The following SPATA16 variants were observed in gnomAD, a reference collection of about 807,000 sequenced individuals.
SPATA16 encodes the protein spermatogenesis-associated protein 16.
In SPATA16, 36 loss-of-function variants were observed where a neutral mutation model predicts 63.3. That is an observed-to-expected ratio of 0.57 (90% CI 0.44 to 0.75). The LOEUF (loss-of-function observed/expected upper bound fraction) is 0.75. Among genes scored for constraint, SPATA16 ranks in the 30% least tolerant of loss-of-function variants. The pLI, the probability that SPATA16 is intolerant of heterozygous loss-of-function variation, is 0.00. For missense variants in SPATA16, 646 were observed against 679.3 expected (o/e 0.95, Z 0.54); for synonymous variants, 203 against 216.7 (o/e 0.94, Z 0.56).
chr3:172,913,339 A>C (rs1732411526), intron 10 of SPATA16, among the ~76,000 whole-genome samples: 1 of 152,214 alleles, frequency 6.6e-6, no homozygotes, highest in Admixed American at 6.6e-5. Flanking sequence ...GTGGACTAAA[A>C]CACTGATGAA....
intron 3 of SPATA16, among the ~76,000 whole-genome samples, chr3:173,029,406 GT>G (rs57233262): frequency 0.036 from 4,989 of 139,870 alleles, 253 homozygotes; most frequent in African/African-American, 0.11. Context: ...AGTAATCAGA[GT>G]TTTTTTTTTG....
intron 2 of SPATA16, among the ~76,000 whole-genome samples, chr3:173,106,316 G>C (rs1348884348): frequency 6.6e-6 from 1 of 152,050 alleles, no homozygotes; most frequent in African/African-American, 2.4e-5. Flanking sequence ...TTACCTTGGT[G>C]TTTTCTCTTT....
At chr3:172,890,658 A>C (rs909551455) in intron 10 of SPATA16, among the ~76,000 whole-genome samples, 1 of 152,036 alleles carries the variant, frequency 6.6e-6, no homozygotes, top group African/African-American at 2.4e-5. Context: ...AGGATAATTC[A>C]GATTGTCAAA....
chr3:172,992,656 G>C (rs1229732711), intron 4 of SPATA16, among the ~76,000 whole-genome samples: 2 of 152,120 alleles, frequency 1.3e-5, no homozygotes, highest in African/African-American at 2.4e-5. Flanking sequence ...CTGGGTAGAA[G>C]GGAGTTGATG....
At chr3:172,990,506 A>G (rs1289986660) in intron 4 of SPATA16, among the ~76,000 whole-genome samples, 1 of 152,168 alleles carries the variant, frequency 6.6e-6, no homozygotes, top group Admixed American at 6.5e-5. Flanking sequence ...CTTTGGAAAT[A>G]TTTCTCTGAG....
intron 6 of SPATA16, among the ~76,000 whole-genome samples, chr3:172,942,337 G>A (rs1232435512): frequency 2.0e-5 from 3 of 152,026 alleles, no homozygotes; most frequent in South Asian, 2.1e-4. Context: ...ATTTTAACAC[G>A]AGGGCATAAA....
At chr3:172,953,528 G>A (rs1399648125) in intron 6 of SPATA16, among the ~76,000 whole-genome samples, 1 of 152,164 alleles carries the variant, frequency 6.6e-6, no homozygotes, top group East Asian at 1.9e-4. Flanking sequence ...AAGGGTGGTT[G>A]GAGTACATAC....
chr3:173,032,183 T>C (rs1360534236), intron 3 of SPATA16, among the ~76,000 whole-genome samples: 1 of 152,098 alleles, frequency 6.6e-6, no homozygotes, highest in East Asian at 1.9e-4. Context: ...TCTTTCATGT[T>C]TTATCCCCAA....
At chr3:173,108,807 C>G (rs536217084) in intron 2 of SPATA16, among the ~76,000 whole-genome samples, 1 of 152,252 alleles carries the variant, frequency 6.6e-6, no homozygotes, top group East Asian at 1.9e-4. Context: ...TATTGTGTTA[C>G]AATTGCCTAC....
At chr3:172,966,080 T>C (rs1733913698) in intron 5 of SPATA16, among the ~76,000 whole-genome samples, 1 of 152,190 alleles carries the variant, frequency 6.6e-6, no homozygotes, top group Admixed American at 6.5e-5. Flanking sequence ...AGAAATGCAA[T>C]GGACTTGTCA....
At chr3:173,129,387 C>CA (rs1214900747) in intron 1 of SPATA16, among the ~76,000 whole-genome samples, 1 of 151,976 alleles carries the variant, frequency 6.6e-6, no homozygotes, top group East Asian at 1.9e-4. Flanking sequence ...TTTCCTTACC[C>CA]AAAAAACATG....
chr3:173,073,423 C>T (rs1736719095), intron 2 of SPATA16, among the ~76,000 whole-genome samples: 1 of 152,232 alleles, frequency 6.6e-6, no homozygotes. Flanking sequence ...GTTTTATGGG[C>T]TGGGCCCAGG....
At chr3:173,018,126 T>C in intron 4 of SPATA16, among the ~76,000 whole-genome samples, 1 of 152,160 alleles carries the variant, frequency 6.6e-6, no homozygotes, top group African/African-American at 2.4e-5. Flanking sequence ...TTCACACAGA[T>C]AAAAAGATGT....
chr3:173,017,410 C>T (rs1735216917), intron 4 of SPATA16, among the ~76,000 whole-genome samples: 1 of 152,098 alleles, frequency 6.6e-6, no homozygotes, highest in African/African-American at 2.4e-5. Flanking sequence ...TTGACAAATT[C>T]CAAATTTTTA....
In SPATA16 at chr3:172,961,688, C is replaced by A. The variant is rs1367061606; in HGVS notation, c.934-4864G>T. Among the ~76,000 whole-genome samples, 4 of 152,224 alleles carry A rather than the reference C, an allele frequency of 2.6e-5. No homozygotes were observed. The East Asian group carries it at 7.7e-4, about 29-fold the overall frequency. ...GGATTACAGGCGTGAGCCACCATGG[C>A]CGGCCTTCTAAGGACTTATTAAATG... On this transcript the variant is annotated intron_variant, in intron 5 of 10. Transcript: ENST00000351008.
intron 2 of SPATA16, among the ~76,000 whole-genome samples, chr3:173,092,297 G>T (rs1737244960): frequency 6.6e-6 from 1 of 152,176 alleles, no homozygotes; most frequent in South Asian, 2.1e-4. Context: ...TAATTGAGAA[G>T]AAAGCAATTT....
chr3:172,908,318 A>T (rs1392112), intron 10 of SPATA16, among the ~76,000 whole-genome samples: 88,608 of 151,458 alleles, frequency 0.59, 27,908 homozygotes, highest in South Asian at 0.8. Context: ...ACCTTTTTTT[A>T]AAAAAAAATC....
chr3:173,020,417 G>T (rs1443620611), intron 3 of SPATA16, among the ~76,000 whole-genome samples: 1 of 152,176 alleles, frequency 6.6e-6, no homozygotes, highest in East Asian at 1.9e-4. Flanking sequence ...AAGGGATCTA[G>T]TCTTGGTCTT....
At chr3:172,915,753 T>C (rs1418087434) in intron 9 of SPATA16, among the ~76,000 whole-genome samples, 1 of 152,206 alleles carries the variant, frequency 6.6e-6, no homozygotes, top group Non-Finnish European at 1.5e-5. Flanking sequence ...GTTTTCTGAA[T>C]AAACTCATCA....
Sources: gnomAD v4.1 joint callset for allele counts (sites outside exome capture counted in the v4.1 genomes callset) on GRCh38, gnomAD v4.1.1 for gene constraint, MANE v1.5 for transcripts, NCBI Gene and HGNC (gene_info 2026-07-23, HGNC 2026-07-21) for gene names.